Variants in SNX10 observed in about 807,000 individuals in gnomAD.
SNX10 encodes the protein sorting nexin 10, also known as sorting nexin-10.
In SNX10, 25 loss-of-function variants were observed where a neutral mutation model predicts 28.5. That is an observed-to-expected ratio of 0.88 (90% CI 0.64 to 1.22). The LOEUF is 1.22. SNX10 is among the 50% of genes most tolerant of loss of function. The pLI is 0.00. For missense variants in SNX10, 223 were observed against 242.6 expected (o/e 0.92, Z 0.54); for synonymous variants, 62 against 81.4 (o/e 0.76, Z 1.28).
intron 1 of SNX10, among the ~76,000 whole-genome samples, chr7:26,299,906 A>G (rs1354524718): frequency 2.0e-5 from 3 of 152,090 alleles, no homozygotes; most frequent in African/African-American, 7.2e-5. Flanking sequence ...TGTTTTCAAA[A>G]AAACTTTTAA....
At chr7:26,323,779 G>A (rs114889877) in intron 1 of SNX10, among the ~76,000 whole-genome samples, 103 of 152,282 alleles carry the variant, frequency 6.8e-4, no homozygotes, top group African/African-American at 2.3e-3. Context: ...ATGCATGGTG[G>A]TAACCAGGAG....
intron 2 of SNX10, among the ~76,000 whole-genome samples, chr7:26,359,497 T>A (rs1788979128): frequency 6.6e-6 from 1 of 151,822 alleles, no homozygotes; most frequent in South Asian, 2.1e-4. Flanking sequence ...CCCAATCTTA[T>A]CAAAAAGCTC....
At chr7:26,353,308 A>G (rs576383693) in intron 2 of SNX10, among the ~76,000 whole-genome samples, 1 of 152,108 alleles carries the variant, frequency 6.6e-6, no homozygotes, top group Non-Finnish European at 1.5e-5. Flanking sequence ...GTTGCTTGAT[A>G]TATTCCTTTT....
chr7:26,354,386 T>C (rs1025221287), intron 2 of SNX10, among the ~76,000 whole-genome samples: 6 of 152,194 alleles, frequency 3.9e-5, no homozygotes, highest in African/African-American at 1.4e-4. Context: ...GTCTCTCTTG[T>C]TGAGGCTGGA....
Position 26,353,344 on chromosome 7 carries a change from G to T in SNX10, c.24+6878G>T, listed in dbSNP as rs531826526. Reference sequence around the variant, plus strand: ...GCCCTTCTATTTTGTTATTTGTAAAGAATATAGTATATGAAATGTGCTAGA... The same window carrying T: ...GCCCTTCTATTTTGTTATTTGTAAATAATATAGTATATGAAATGTGCTAGA... On this transcript the variant is annotated intron_variant, in intron 2 of 6. Coordinates refer to ENST00000338523, the MANE Select transcript of SNX10 (RefSeq NM_013322.3). Among the ~76,000 whole-genome samples the T allele has an allele frequency of 1.3e-4, 19 of 150,882 alleles. 1 individual carries two copies. In the South Asian group the frequency reaches 4.0e-3, roughly 32 times the overall value.
chr7:26,305,961 C>T (rs1189833961), intron 1 of SNX10, among the ~76,000 whole-genome samples: 2 of 152,172 alleles, frequency 1.3e-5, no homozygotes, highest in Non-Finnish European at 1.5e-5. Flanking sequence ...GTGGCGCAAT[C>T]GTGGGTCACT....
At chr7:26,361,300 C>T (rs1292377509) in intron 3 of SNX10, among the ~76,000 whole-genome samples, 2 of 152,154 alleles carry the variant, frequency 1.3e-5, no homozygotes, top group African/African-American at 4.8e-5. Context: ...ATTGCCTTCA[C>T]ATGTGAAGAT....
At chr7:26,340,296 A>G (rs1189206500) in intron 1 of SNX10, among the ~76,000 whole-genome samples, 1 of 152,152 alleles carries the variant, frequency 6.6e-6, no homozygotes, top group Non-Finnish European at 1.5e-5. Context: ...CAGTTTTTGT[A>G]GATAAAGTTT....
In SNX10 at chr7:26,306,721, C is replaced by CA. The variant is rs1196708645; in HGVS notation, c.-24+14638dup. On this transcript the variant is annotated intron_variant, in intron 1 of 6. Coordinates refer to ENST00000338523, the MANE Select transcript of SNX10 (RefSeq NM_013322.3). ...CAGACAGAAAATTTTTGTAAAGGAA[C>CA]AAATGCTCTGTGATCATGAGGAAGG... Among the ~76,000 whole-genome samples the CA allele has an allele frequency of 1.4e-4, 21 of 152,130 alleles. 1 individual carries two copies. The highest frequency in any genetic ancestry group is 4.1e-4 in the South Asian group (2 of 4,836).
chr7:26,373,477 C>A lies in SNX10; in HGVS notation c.*905C>A, dbSNP rs532828719. ...AAATTTAATTTTACCAATAAATATTCCCATAATTTAGAAAAGGATGTCGAC... is the reference window on the plus strand; with the variant it reads ...AAATTTAATTTTACCAATAAATATTACCATAATTTAGAAAAGGATGTCGAC... On this transcript the variant is annotated 3_prime_UTR_variant, in exon 7 of 7. Coordinates refer to ENST00000338523, the MANE Select transcript of SNX10 (RefSeq NM_013322.3). This position sits in a 1 kb window ranked among gnomAD's most constrained non-coding sequence, Gnocchi z 4.2. 1.3e-5 allele frequency: 2 copies of A among 152,000 alleles called. No individual in the cohort carries two copies. The highest frequency in any genetic ancestry group is 3.9e-4 in the East Asian group (2 of 5,184). 9.4% of individuals were successfully genotyped at this position (152,000 alleles called of 1,614,324 possible). A position where few individuals can be genotyped will look rare whatever the true frequency, so the allele number is the denominator to read the frequency against.
intron 1 of SNX10, among the ~76,000 whole-genome samples, chr7:26,301,365 A>G (rs182827459): frequency 6.6e-6 from 1 of 152,326 alleles, no homozygotes; most frequent in Admixed American, 6.5e-5. Context: ...CCTTAGGAAG[A>G]TAGGAAAGGG....
At chr7:26,360,709 C>T (rs1789031245) in intron 2 of SNX10, 3 of 587,286 alleles carry the variant, frequency 5.1e-6, no homozygotes, top group Non-Finnish European at 7.5e-6. Flanking sequence ...TATACTTTGT[C>T]TTCAGATAAC....
At chr7:26,328,869 T>C (rs1229285840) in intron 1 of SNX10, among the ~76,000 whole-genome samples, 2 of 152,190 alleles carry the variant, frequency 1.3e-5, no homozygotes, top group African/African-American at 4.8e-5. Context: ...TCCTCTCTCC[T>C]TATAGCTGCC....
chr7:26,370,452 C>CT (rs1172959106), intron 5 of SNX10: 1 of 152,128 alleles, frequency 6.6e-6, no homozygotes, highest in Non-Finnish European at 1.5e-5. Flanking sequence ...GAGGTTTTGC[C>CT]TTTTAAAAAG....
At chr7:26,320,765 C>T (rs1013802493) in intron 1 of SNX10, among the ~76,000 whole-genome samples, 1 of 152,168 alleles carries the variant, frequency 6.6e-6, no homozygotes, top group African/African-American at 2.4e-5. Flanking sequence ...AGCATGTATA[C>T]ACATATGTAC....
chr7:26,329,759 A>G (rs897585394), intron 1 of SNX10, among the ~76,000 whole-genome samples: 1 of 152,196 alleles, frequency 6.6e-6, no homozygotes. Context: ...TAACCTGGTC[A>G]TGGAGCCAGT....
At chr7:26,343,651 G>C (rs1788264753) in intron 1 of SNX10, among the ~76,000 whole-genome samples, 2 of 152,198 alleles carry the variant, frequency 1.3e-5, no homozygotes, top group Admixed American at 1.3e-4. Context: ...GCCTGGAAAG[G>C]GTGAAAGTAT....
chr7:26,327,373 G>T (rs7794280), intron 1 of SNX10, among the ~76,000 whole-genome samples: 89,185 of 152,096 alleles, frequency 0.59, 26,742 homozygotes, highest in East Asian at 0.81. Flanking sequence ...TTGGATGACA[G>T]GGGACAGTTA....
At chr7:26,369,639 C>T (rs868610751) in intron 5 of SNX10, among the ~76,000 whole-genome samples, 15 of 152,256 alleles carry the variant, frequency 9.9e-5, no homozygotes, top group African/African-American at 3.4e-4. Context: ...TTCAGATGTC[C>T]CCTCCCCAGC....
Sources: allele counts gnomAD v4.1 joint callset (sites outside exome capture counted in the v4.1 genomes callset), GRCh38; gene constraint gnomAD v4.1.1; non-coding constraint Gnocchi (gnomAD v3.1); transcripts MANE v1.5; gene names NCBI Gene and HGNC (gene_info 2026-07-23, HGNC 2026-07-21).